Variants in KAZN observed in about 807,000 individuals in gnomAD.
KAZN encodes kazrin, periplakin interacting protein.
A neutral mutation model predicts 87.4 loss-of-function variants in KAZN; 40 were observed. That is an observed-to-expected ratio of 0.46 (90% CI 0.36 to 0.60). KAZN has a LOEUF of 0.60. Ranked by LOEUF, KAZN falls within the 20% of genes least tolerant of loss-of-function variation. The probability of loss-of-function intolerance (pLI) is 0.00; values close to 1 mark genes in which losing one functional copy is unlikely to be tolerated. For missense variants in KAZN, 898 were observed against 1,073.9 expected, an observed-to-expected ratio of 0.84 and a Z score of 2.29; for synonymous variants, 466 against 458.3, an observed-to-expected ratio of 1.02 and a Z score of -0.22.
At chr1:15,050,196 A>G (rs565524270) in intron 4 of KAZN, among the ~76,000 whole-genome samples, 72 of 152,082 alleles carry the variant, frequency 4.7e-4, no homozygotes, top group African/African-American at 1.7e-3. Context: ...AATAGAATAG[A>G]ATAGAATAGA....
chr1:14,180,649 T>C, intron 2 of KAZN: 1 of 1,448,900 alleles, frequency 6.9e-7, no homozygotes, highest in Non-Finnish European at 9.3e-7. Context: ...TTTTTCTTTT[T>C]GGCATAAGCT....
At chr1:14,505,700 G>C (rs189837841) in intron 2 of KAZN, among the ~76,000 whole-genome samples, 1 of 152,198 alleles carries the variant, frequency 6.6e-6, no homozygotes, top group African/African-American at 2.4e-5. Flanking sequence ...TTGGCTGGGC[G>C]CGGTGGCTCA....
chr1:14,445,345 G>A (rs186075876), intron 2 of KAZN, among the ~76,000 whole-genome samples: 375 of 152,230 alleles, frequency 2.5e-3, no homozygotes, highest in Non-Finnish European at 4.1e-3. Context: ...GCTTTTAAGA[G>A]GAGAAAATGT....
chr1:14,815,575 G>A (rs1432804971), intron 1 of KAZN, among the ~76,000 whole-genome samples: 1 of 152,170 alleles, frequency 6.6e-6, no homozygotes, highest in Non-Finnish European at 1.5e-5. Flanking sequence ...ATGTGGGGAG[G>A]AAGCAACAGA....
intron 1 of KAZN, among the ~76,000 whole-genome samples, chr1:14,834,356 CTTTTTTT>C (rs34228625): frequency 6.3e-4 from 56 of 88,656 alleles, no homozygotes; most frequent in Non-Finnish European, 1.0e-3. Flanking sequence ...AAGTCACTTC[CTTTTTTT>C]TTTTTTTTTT....
At chr1:14,618,056 A>G (rs934719322) in intron 1 of KAZN, among the ~76,000 whole-genome samples, 18 of 152,012 alleles carry the variant, frequency 1.2e-4, no homozygotes, top group African/African-American at 2.9e-4. Context: ...TTTTTTTCTC[A>G]GTTATTTATA....
chr1:14,535,107 C>T (rs1672411717), intron 2 of KAZN, among the ~76,000 whole-genome samples: 1 of 152,138 alleles, frequency 6.6e-6, no homozygotes, highest in Non-Finnish European at 1.5e-5. Flanking sequence ...GACTGGCCAC[C>T]TAGTCCATTG....
At chr1:14,985,156 G>A (rs1317505812) in intron 2 of KAZN, among the ~76,000 whole-genome samples, 5 of 150,190 alleles carry the variant, frequency 3.3e-5, no homozygotes, top group African/African-American at 1.2e-4. Context: ...AAAAAATGGT[G>A]GGGTCGGGGA....
At position 13,901,975 on chromosome 1, in the gene KAZN, C is replaced by T. The variant is rs528952057; in HGVS notation, c.91+8219C>T. Among the ~76,000 whole-genome samples the T allele has an allele frequency of 2.0e-5, 3 of 152,380 alleles. No individual in the cohort carries two copies. In the South Asian group the frequency reaches 6.2e-4, roughly 32 times the overall value. On this transcript the variant is annotated intron_variant, in intron 1 of 16. Transcript: ENST00000636203. ...GATGTGGATAAGAAACACATAGCCT[C>T]AAGGCTCTGAGGCATTTCAGTTTTG...
chr1:14,746,520 A>T (rs555677848), intron 1 of KAZN, among the ~76,000 whole-genome samples: 147 of 152,078 alleles, frequency 9.7e-4, no homozygotes, highest in African/African-American at 3.3e-3. Flanking sequence ...GGGCAAACTT[A>T]GACTTTCCTG....
At chr1:14,467,060 A>T (rs547078197) in intron 2 of KAZN, among the ~76,000 whole-genome samples, 2 of 152,312 alleles carry the variant, frequency 1.3e-5, no homozygotes, top group South Asian at 4.1e-4. Flanking sequence ...GACAGTATAA[A>T]TATATTTTTG....
At position 15,101,553 on chromosome 1, in the gene KAZN, G is replaced by T. The variant is rs1173732878; in HGVS notation, c.1558G>T (p.Ala520Ser). ...DAEAGRSLSK[A>S]AELDHHWVAK... Reference sequence around the variant, plus strand: ...ATGTCTCCTCCCCAGCCTGTCCAAAGCTGCCGAGCTGGACCATCACTGGGT... The same window carrying T: ...ATGTCTCCTCCCCAGCCTGTCCAAATCTGCCGAGCTGGACCATCACTGGGT... The change falls in exon 11 of 15, where the codon GCT becomes TCT. Residue 520 changes from alanine (A) to serine (S), a missense_variant. Coordinates refer to ENST00000376030, the MANE Select transcript of KAZN (RefSeq NM_201628.3). 2 of 1,551,778 alleles carry T rather than the reference G, an allele frequency of 1.3e-6. No homozygotes were observed. Among genetic ancestry groups the T allele is most frequent in the Admixed American group, 2.0e-5 (1 of 50,994 alleles).
At chr1:14,223,925 A>G (rs1022083866) in intron 2 of KAZN, among the ~76,000 whole-genome samples, 1 of 152,198 alleles carries the variant, frequency 6.6e-6, no homozygotes, top group Non-Finnish European at 1.5e-5. Flanking sequence ...GGCTAGGAAG[A>G]CATCCCCAAA....
At chr1:14,422,766 C>G (rs1346666011) in intron 2 of KAZN, among the ~76,000 whole-genome samples, 2 of 152,200 alleles carry the variant, frequency 1.3e-5, no homozygotes, top group African/African-American at 4.8e-5. Context: ...TAAGAGATGG[C>G]AGCTCATCTT....
At chr1:13,943,496 G>A (rs1641016934) in intron 1 of KAZN, among the ~76,000 whole-genome samples, 1 of 151,678 alleles carries the variant, frequency 6.6e-6, no homozygotes, top group African/African-American at 2.4e-5. Context: ...CATATTTACA[G>A]AAAATAATCT....
chr1:14,875,761 C>T (rs1451589399), intron 1 of KAZN, among the ~76,000 whole-genome samples: 1 of 152,232 alleles, frequency 6.6e-6, no homozygotes, highest in Non-Finnish European at 1.5e-5. Flanking sequence ...TCGCCCAACC[C>T]TCCACAGTTG....
chr1:14,378,361 C>T (rs1055443552), intron 2 of KAZN, among the ~76,000 whole-genome samples: 8 of 152,202 alleles, frequency 5.3e-5, no homozygotes, highest in African/African-American at 1.7e-4. Flanking sequence ...ATAGAAGTCT[C>T]CACCAATCAT....
At chr1:13,981,089 TTATATATATATATATA>T (rs1205017791) in intron 1 of KAZN, among the ~76,000 whole-genome samples, 1 of 63,134 alleles carries the variant, frequency 1.6e-5, no homozygotes, top group Non-Finnish European at 3.4e-5. Flanking sequence ...AAATTACTCT[TTATATATATATATATA>T]TATATGTATA....
At chr1:15,051,715 C>T (rs1330273008) in intron 4 of KAZN, among the ~76,000 whole-genome samples, 2 of 152,164 alleles carry the variant, frequency 1.3e-5, no homozygotes, top group African/African-American at 4.8e-5. Flanking sequence ...GAACCAAATC[C>T]AGACAGAGCC....
Sources: allele counts gnomAD v4.1 joint callset (sites outside exome capture counted in the v4.1 genomes callset), GRCh38; gene constraint gnomAD v4.1.1; transcripts MANE v1.5; gene names NCBI Gene and HGNC (gene_info 2026-07-23, HGNC 2026-07-21).